KIAA0825: variants seen among roughly 807,000 people sequenced by gnomAD.
KIAA0825 encodes the protein uncharacterized protein KIAA0825.
KIAA0825 carries 119 observed loss-of-function variants against 147.6 expected under a neutral mutation model. The ratio of observed to expected loss-of-function variants is 0.81; its 90% confidence interval spans 0.69 to 0.94. The LOEUF is 0.94. Ranked by LOEUF, KIAA0825 falls within the 40% of genes least tolerant of loss-of-function variation. The probability of loss-of-function intolerance (pLI) is 0.00; values close to 1 mark genes in which losing one functional copy is unlikely to be tolerated. For missense variants in KIAA0825, 1,381 were observed against 1,472.7 expected (o/e 0.94, Z 1.02); for synonymous variants, 470 against 518.1 (o/e 0.91, Z 1.26).
intron 20 of KIAA0825, among the ~76,000 whole-genome samples, chr5:94,230,344 A>G (rs1032515262): frequency 4.6e-5 from 7 of 152,152 alleles, no homozygotes; most frequent in Non-Finnish European, 7.4e-5. Flanking sequence ...TCTATATCCT[A>G]TGGAGGAGGA....
chr5:94,399,438 C>T (rs1751086944), intron 16 of KIAA0825, among the ~76,000 whole-genome samples: 1 of 152,040 alleles, frequency 6.6e-6, no homozygotes, highest in African/African-American at 2.4e-5. Flanking sequence ...TTTATAAACT[C>T]CGAGGACTAT....
intron 1 of KIAA0825, among the ~76,000 whole-genome samples, chr5:94,610,764 CAA>C (rs756579848): frequency 2.1e-3 from 44 of 20,816 alleles, no homozygotes; most frequent in African/African-American, 9.0e-3. Context: ...ACTCTATCTG[CAA>C]AAAAAAAAAA....
intron 18 of KIAA0825, 77 bp downstream of exon 18, chr5:94,391,458 C>G: frequency 1.4e-6 from 2 of 1,437,234 alleles, no homozygotes; most frequent in Middle Eastern, 1.8e-4. Context: ...ACCTCCTTGA[C>G]TAACCCTTAG....
intron 1 of KIAA0825, among the ~76,000 whole-genome samples, chr5:94,590,523 C>G (rs1784157487): frequency 6.6e-6 from 1 of 152,124 alleles, no homozygotes; most frequent in South Asian, 2.1e-4. Context: ...TCCATTCAAT[C>G]TAAGAACTAA....
intron 20 of KIAA0825, among the ~76,000 whole-genome samples, chr5:94,303,355 A>G (rs1778523153): frequency 6.6e-6 from 1 of 152,076 alleles, no homozygotes; most frequent in Non-Finnish European, 1.5e-5. Context: ...ATATATTACT[A>G]TATTCAGTCA....
At chr5:94,349,090 G>A (rs1041972774) in intron 20 of KIAA0825, among the ~76,000 whole-genome samples, 1 of 151,960 alleles carries the variant, frequency 6.6e-6, no homozygotes, top group Non-Finnish European at 1.5e-5. Context: ...AAACTTAAAT[G>A]GGTGGAAAAA....
Position 94,424,978 on chromosome 5 carries a change from C to T in KIAA0825, c.2498-7613G>A, listed in dbSNP as rs369642185. ...ACCTGAACAGACCAATAACAAGTAA[C>T]GAGATGAAAGGAGCAATGCGAAATC... On this transcript the variant is annotated intron_variant, in intron 14 of 20. Transcript: ENST00000682413. Among the ~76,000 whole-genome samples, 4 of 152,136 alleles carry T rather than the reference C, an allele frequency of 2.6e-5. No individual in the cohort carries two copies. In the South Asian group the frequency reaches 8.3e-4, roughly 32 times the overall value.
chr5:94,570,889 C>T (rs367945871), intron 2 of KIAA0825, among the ~76,000 whole-genome samples: 5 of 152,166 alleles, frequency 3.3e-5, no homozygotes, highest in Admixed American at 1.3e-4. Context: ...CCATGTATAT[C>T]GTGCATTACT....
intron 20 of KIAA0825, among the ~76,000 whole-genome samples, chr5:94,270,432 C>T (rs1338477174): frequency 1.3e-5 from 2 of 151,940 alleles, no homozygotes; most frequent in African/African-American, 4.8e-5. Context: ...TCACCACATA[C>T]AAAGAACAAA....
rs573195157 is a variant in KIAA0825 at position 94,165,316 on chromosome 5, C to T, written c.3711-11192G>A. On this transcript the variant is annotated intron_variant, in intron 20 of 20. Transcript: ENST00000682413. ...TCAAAATTACAATGAGATATCATCTCATGCCAGTTAAAATGGCTTATATCC... is the reference window on the plus strand; with the variant it reads ...TCAAAATTACAATGAGATATCATCTTATGCCAGTTAAAATGGCTTATATCC... Among the ~76,000 whole-genome samples, 8 of 152,282 alleles carry T rather than the reference C, an allele frequency of 5.3e-5. No homozygotes were observed. In the South Asian group the frequency reaches 1.7e-3, roughly 32 times the overall value.
chr5:94,433,909 G>A (rs760074896), intron 14 of KIAA0825, among the ~76,000 whole-genome samples: 52 of 152,182 alleles, frequency 3.4e-4, no homozygotes, highest in Non-Finnish European at 6.6e-4. Flanking sequence ...AGCAGGAAAG[G>A]TTACCTGCTA....
chr5:94,350,417 C>T (rs1458580586), intron 20 of KIAA0825, among the ~76,000 whole-genome samples: 1 of 152,192 alleles, frequency 6.6e-6, no homozygotes, highest in Non-Finnish European at 1.5e-5. Flanking sequence ...GGAACCCTCC[C>T]TGATTCATTC....
intron 20 of KIAA0825, among the ~76,000 whole-genome samples, chr5:94,334,551 C>T (rs563181220): frequency 5.9e-5 from 9 of 152,314 alleles, no homozygotes; most frequent in South Asian, 2.1e-4. Flanking sequence ...GGTGCAATCT[C>T]GGCTCACTGC....
intron 20 of KIAA0825, among the ~76,000 whole-genome samples, chr5:94,228,838 T>C (rs908039176): frequency 2.6e-5 from 4 of 152,224 alleles, no homozygotes; most frequent in African/African-American, 9.6e-5. Flanking sequence ...TTTCAACATG[T>C]TCTGTGTCAT....
chr5:94,399,440 G>A (rs1751087986), intron 16 of KIAA0825, among the ~76,000 whole-genome samples: 1 of 151,962 alleles, frequency 6.6e-6, no homozygotes, highest in African/African-American at 2.4e-5. Context: ...TATAAACTCC[G>A]AGGACTATGG....
chr5:94,251,218 GA>G (rs563805627), intron 20 of KIAA0825, among the ~76,000 whole-genome samples: 3 of 151,988 alleles, frequency 2.0e-5, no homozygotes, highest in African/African-American at 7.2e-5. Context: ...GCAAACAGGG[GA>G]AAAAACTGCA....
chr5:94,537,524 G>A (rs781405435), intron 2 of KIAA0825, among the ~76,000 whole-genome samples: 8 of 151,710 alleles, frequency 5.3e-5, no homozygotes, highest in South Asian at 2.1e-4. Flanking sequence ...GATGGTGGGC[G>A]CCTGTAGTCC....
At chr5:94,215,140 A>C (rs941404731) in intron 20 of KIAA0825, among the ~76,000 whole-genome samples, 24 of 152,216 alleles carry the variant, frequency 1.6e-4, no homozygotes, top group African/African-American at 5.8e-4. Context: ...TCAGACAACA[A>C]GATGGAATGA....
rs11363132 is a variant in KIAA0825 at position 94,151,423 on chromosome 5, C to CA, written c.*2583dup. On this transcript the variant is annotated 3_prime_UTR_variant, in exon 21 of 21. Transcript: ENST00000682413. ...TGGGCGACAGAGCGAGACTCCGTCT[C>CA]AAAAAAAAAAAAAAAAAAAAAAAAA... 0.091 allele frequency among the ~76,000 whole-genome samples: 1,948 copies of CA among 21,472 alleles called. 382 individuals are homozygous for CA. Among genetic ancestry groups the CA allele is most frequent in the East Asian group, 0.15 (81 of 538 alleles). 14.1% of individuals were successfully genotyped at this position (21,472 alleles called of 152,430 possible).
Sources: gnomAD v4.1 joint callset for allele counts (sites outside exome capture counted in the v4.1 genomes callset) on GRCh38, gnomAD v4.1.1 for gene constraint, MANE v1.5 for transcripts, NCBI Gene and HGNC (gene_info 2026-07-23, HGNC 2026-07-21) for gene names.